MBTPS2: variants seen among roughly 807,000 people sequenced by gnomAD.
MBTPS2 encodes the protein membrane bound transcription factor peptidase, site 2.
MBTPS2 carries 2 observed loss-of-function variants against 35.4 expected under a neutral mutation model. That is an observed-to-expected ratio of 0.06 (90% CI 0.02 to 0.18). MBTPS2 has a LOEUF of 0.18. Ranked by LOEUF, MBTPS2 falls within the 10% of genes least tolerant of loss-of-function variation. The pLI is 1.00. For synonymous variants in MBTPS2, 125 were observed against 140.4 expected (o/e 0.89, Z 0.77); for missense variants, 244 against 386.5 (o/e 0.63, Z 3.09).
chrX:21,867,750 A>T (rs1273143514), intron 5 of MBTPS2, among the ~76,000 whole-genome samples: 2 of 106,780 alleles, frequency 1.9e-5, no homozygotes, highest in Non-Finnish European at 3.8e-5. Flanking sequence ...GCAATTCTCC[A>T]GCCTCAGCCT....
At position 21,883,498 on chromosome X, in the gene MBTPS2, C is replaced by T; in HGVS notation, c.*843C>T. On this transcript the variant is annotated 3_prime_UTR_variant, in exon 11 of 11. Coordinates refer to ENST00000379484, the MANE Select transcript of MBTPS2 (RefSeq NM_015884.4). The stretch of plus-strand genomic sequence containing the variant: ...GACACCCCAGAGGATCTTCAGCAGT[C>T]CTACTTCCCATTCTCTATAGAGCTT... 1 of 753,779 alleles carries T rather than the reference C, an allele frequency of 1.3e-6. No individual in the cohort carries two copies. The highest frequency in any genetic ancestry group is 1.6e-6 in the Non-Finnish European group (1 of 639,133). 62.1% of individuals were successfully genotyped at this position (753,779 alleles called of 1,213,427 possible). A position where few individuals can be genotyped will look rare whatever the true frequency, so the allele number is the denominator to read the frequency against.
chrX:21,881,087 C>T lies in MBTPS2; in HGVS notation c.1337+115C>T, dbSNP rs142354551. On this transcript the variant is annotated intron_variant, in intron 10 of 10. Coordinates refer to ENST00000379484, the MANE Select transcript of MBTPS2 (RefSeq NM_015884.4). ...CTCACAAGTATCACTTAATTGCTAA[C>T]AACTAAAAAAGAGTCTTGAAAGATG... 9.6e-3 allele frequency: 5,308 copies of T among 554,240 alleles called. 208 individuals are homozygous for T. In the African/African-American group the frequency reaches 0.11, roughly 11 times the overall value. 45.7% of individuals were successfully genotyped at this position (554,240 alleles called of 1,213,427 possible). A position where few individuals can be genotyped will look rare whatever the true frequency, so the allele number is the denominator to read the frequency against.
chrX:21,857,430 G>A (rs748075226), intron 5 of MBTPS2: 1 of 1,212,151 alleles, frequency 8.2e-7, no homozygotes, highest in African/African-American at 1.7e-5. Flanking sequence ...GTGCACATTC[G>A]AAGGCTGCGG....
rs1170515852 is a variant in MBTPS2 at position 21,877,594 on chromosome X, G to A, written c.971-448G>A. ...GGAGCCCCAAAGTAAGCCTGGGGTA[G>A]AATCGGTATTTGGATATAATGGGGA... On this transcript the variant is annotated intron_variant, in intron 7 of 10. Coordinates refer to ENST00000379484, the MANE Select transcript of MBTPS2 (RefSeq NM_015884.4). Among the ~76,000 whole-genome samples, 2 of 111,743 alleles carry A rather than the reference G, an allele frequency of 1.8e-5. 1 individual carries two copies. The highest frequency in any genetic ancestry group is 6.5e-5 in the African/African-American group (2 of 30,698).
chrX:21,845,719 A>C (rs2092908017), intron 3 of MBTPS2, among the ~76,000 whole-genome samples: 1 of 112,550 alleles, frequency 8.9e-6, no homozygotes, highest in Admixed American at 9.4e-5. Flanking sequence ...TCTATAATGT[A>C]TAAGTAAATT....
At chrX:21,864,860 CTTTT>C (rs1365845788) in intron 5 of MBTPS2, among the ~76,000 whole-genome samples, 1 of 99,766 alleles carries the variant, frequency 1.0e-5, no homozygotes, top group Non-Finnish European at 2.0e-5. Context: ...AGGTTTTTTT[CTTTT>C]TTTCTTTCTT....
At chrX:21,862,939 T>TATATATATATATATATATAAAC (rs2092934317) in intron 5 of MBTPS2, among the ~76,000 whole-genome samples, 1 of 32,649 alleles carries the variant, frequency 3.1e-5, no homozygotes, top group Non-Finnish European at 5.0e-5. Context: ...TAAACATATA[T>TATATATATATATATATATAAAC]ATATATATAT....
intron 5 of MBTPS2, chrX:21,858,110 C>A (rs1373619175): frequency 8.0e-6 from 1 of 124,521 alleles, no homozygotes; most frequent in East Asian, 2.8e-4. Flanking sequence ...TATATGCATA[C>A]GTGAAGTATT....
At chrX:21,858,854 A>T (rs1569324591) in intron 5 of MBTPS2, 1 of 98,216 alleles carries the variant, frequency 1.0e-5, no homozygotes, top group Non-Finnish European at 2.0e-5. Flanking sequence ...GAGCCACTGC[A>T]CTCCAGCCTA....
At chrX:21,863,577 T>C (rs1261382538) in intron 5 of MBTPS2, among the ~76,000 whole-genome samples, 1 of 111,680 alleles carries the variant, frequency 9.0e-6, no homozygotes, top group Non-Finnish European at 1.9e-5. Context: ...TAAAAGCCAA[T>C]TGAACATTTT....
intron 7 of MBTPS2, 48 bp from the exon 8 acceptor site, chrX:21,877,994 A>T (rs779528700): frequency 1.2e-6 from 1 of 850,243 alleles, no homozygotes; most frequent in South Asian, 2.1e-5. Context: ...TTTGTTACAA[A>T]TGTATTTTTA....
intron 5 of MBTPS2, among the ~76,000 whole-genome samples, chrX:21,862,919 CATATATATATAAACATATATATATATAT>C (rs2092933871): frequency 1.5e-4 from 6 of 40,365 alleles, no homozygotes; most frequent in Non-Finnish European, 2.7e-4. Context: ...AATATATAAA[CATATATATATAAACATATATATATATAT>C]ATATATATAT....
chrX:21,856,366 T>G lies in MBTPS2; in HGVS notation c.670+2863T>G. The G allele has an allele frequency of 3.7e-6, 3 of 811,572 alleles. No homozygotes were observed. The Admixed American group carries it at 9.1e-5, about 25-fold the overall frequency. 66.9% of individuals were successfully genotyped at this position (811,572 alleles called of 1,213,427 possible). A position where few individuals can be genotyped will look rare whatever the true frequency, so the allele number is the denominator to read the frequency against. ...CCTTTCTCTGCAGCTCGCGCCTTTC[T>G]CTGCAGCTCGCCCCTTCCTCTGCAG... On this transcript the variant is annotated intron_variant, in intron 5 of 10. Coordinates refer to ENST00000379484, the MANE Select transcript of MBTPS2 (RefSeq NM_015884.4).
intron 5 of MBTPS2, among the ~76,000 whole-genome samples, chrX:21,860,031 G>T (rs1356414949): frequency 9.2e-6 from 1 of 108,445 alleles, no homozygotes; most frequent in Non-Finnish European, 1.9e-5. Context: ...AGTCGAGGCT[G>T]CGGTGAGCCG....
chrX:21,844,677 C>T (rs1223623006), intron 2 of MBTPS2, among the ~76,000 whole-genome samples: 1 of 112,224 alleles, frequency 8.9e-6, no homozygotes, highest in Non-Finnish European at 1.9e-5. Context: ...GAAAACATGG[C>T]AGATTATCTC....
intron 4 of MBTPS2, 144 bp from the exon 5 acceptor site, chrX:21,853,232 A>G (rs2092916773): frequency 3.3e-5 from 13 of 396,182 alleles, no homozygotes; most frequent in Non-Finnish European, 4.8e-5. Flanking sequence ...TAGTATAGAT[A>G]TAATTTTTTT....
chrX:21,882,851 G>A lies in MBTPS2; in HGVS notation c.*196G>A. 6.4e-6 allele frequency: 7 copies of A among 1,090,837 alleles called. No individual in the cohort carries two copies. The highest frequency in any genetic ancestry group is 8.3e-6 in the Non-Finnish European group (7 of 840,000). 89.9% of individuals were successfully genotyped at this position (1,090,837 alleles called of 1,213,427 possible). On this transcript the variant is annotated 3_prime_UTR_variant, in exon 11 of 11. Transcript: ENST00000379484. ...AGAAGATAAGCAGAAGAAATGAAAG[G>A]CATAGTCCCTGACTATATTCTAATT...
intron 5 of MBTPS2, among the ~76,000 whole-genome samples, chrX:21,860,395 AGAGT>A (rs2092929975): frequency 8.9e-6 from 1 of 112,488 alleles, no homozygotes; most frequent in African/African-American, 3.2e-5. Flanking sequence ...CCGGGGTAAC[AGAGT>A]GAGACTCCGT....
rs1295827667 is a variant in MBTPS2, at chrX:21,853,489, G to A, written c.656G>A (p.Arg219Lys). Residue 219 changes from arginine to lysine, a missense_variant, in exon 5 of 11, where the codon AGG (arginine) becomes AAG (lysine). Arg to Lys is a conservative substitution (Grantham distance 26). Coordinates refer to ENST00000379484, the MANE Select transcript of MBTPS2 (RefSeq NM_015884.4). ...LQLISPVQQL[R>K]IFCAGIWHNF... is the part of the protein sequence containing the mutation. ...CTTATATCGCCAGTCCAGCAGCTAAGGATATTTTGTGCAGGTAACAGACTT... is the reference window on the plus strand; with the variant it reads ...CTTATATCGCCAGTCCAGCAGCTAAAGATATTTTGTGCAGGTAACAGACTT... The A allele has an allele frequency of 8.3e-7, 1 of 1,209,671 alleles. No individual in the cohort carries two copies.
Sources: gnomAD v4.1 joint callset for allele counts (sites outside exome capture counted in the v4.1 genomes callset) on GRCh38, gnomAD v4.1.1 for gene constraint, MANE v1.5 for transcripts, NCBI Gene and HGNC (gene_info 2026-07-23, HGNC 2026-07-21) for gene names.